Variants in FSHR observed in about 807,000 individuals in gnomAD.
FSHR encodes the protein follicle stimulating hormone receptor, also known as follicle-stimulating hormone receptor.
In FSHR, 46 loss-of-function variants were observed where a neutral mutation model predicts 52.1. The ratio of observed to expected loss-of-function variants is 0.88; its 90% CI spans 0.70 to 1.13. FSHR has a LOEUF of 1.13. FSHR is among the 50% of genes most tolerant of loss of function. The pLI is 0.00. For synonymous variants in FSHR, 399 were observed against 309.6 expected, an observed-to-expected ratio of 1.29 and a Z score of -3.03; for missense variants, 964 against 834.6, an observed-to-expected ratio of 1.16 and a Z score of -1.91.
chr2:49,052,114 TAAAC>T (rs1270034716), intron 2 of FSHR, among the ~76,000 whole-genome samples: 1 of 152,180 alleles, frequency 6.6e-6, no homozygotes, highest in African/African-American at 2.4e-5. Context: ...TAAAACATTT[TAAAC>T]AAAATATTAG....
intron 6 of FSHR, 107 bp from the exon 7 acceptor site, chr2:48,983,273 T>G: frequency 1.0e-6 from 1 of 988,084 alleles, no homozygotes; most frequent in Non-Finnish European, 1.6e-6. Flanking sequence ...GTTAGTGGCA[T>G]AAAGAAAATG....
chr2:49,109,233 G>A (rs1398820576), intron 1 of FSHR, among the ~76,000 whole-genome samples: 1 of 152,162 alleles, frequency 6.6e-6, no homozygotes, highest in Non-Finnish European at 1.5e-5. Context: ...ATGAGACTGG[G>A]AAGAGTGAGC....
At chr2:49,033,512 C>A (rs532085000) in intron 2 of FSHR, among the ~76,000 whole-genome samples, 1 of 152,044 alleles carries the variant, frequency 6.6e-6, no homozygotes, top group African/African-American at 2.4e-5. Context: ...AAGAGGCCAA[C>A]GCAGGAGGGC....
In FSHR at chr2:48,962,188, T is replaced by A. The variant is rs1559065598; in HGVS notation, c.*545A>T. Reference sequence around the variant, plus strand: ...ATGAGGAAGGGAAATCTGGGAAATGTATTTCAGCCTATCCACACTGACGCA... The same window carrying A: ...ATGAGGAAGGGAAATCTGGGAAATGAATTTCAGCCTATCCACACTGACGCA... On this transcript the variant is annotated 3_prime_UTR_variant, in exon 10 of 10. Transcript: ENST00000406846. 1 of 169,926 alleles carries A rather than the reference T, an allele frequency of 5.9e-6. No homozygotes were observed. Among genetic ancestry groups the A allele is most frequent in the South Asian group, 1.4e-4 (1 of 7,172 alleles). The allele number at this position is 169,926 out of a possible 1,614,324, so 10.5% of individuals were successfully genotyped here.
intron 4 of FSHR, among the ~76,000 whole-genome samples, chr2:49,015,643 C>T (rs1252268343): frequency 1.3e-5 from 2 of 152,084 alleles, no homozygotes; most frequent in Non-Finnish European, 2.9e-5. Flanking sequence ...CTGTTATGTG[C>T]CTAGGCATGT....
Position 48,990,647 on chromosome 2 carries a change from A to G in FSHR, c.375-10T>C. On this transcript the variant is annotated splice_polypyrimidine_tract_variant and intron_variant, in intron 4 of 9. Transcript: ENST00000406846. ...TGTGTTGGATATTAACCTAGAGAGA[A>G]ACAAAATGAGAGTGAGTGAAAATGA... 1.9e-6 allele frequency: 3 copies of G among 1,558,278 alleles called. No individual in the cohort carries two copies. The highest frequency in any genetic ancestry group is 2.7e-6 in the Non-Finnish European group (3 of 1,129,466).
At chr2:49,020,223 C>G in intron 2 of FSHR, 63 bp from the exon 3 acceptor site, 1 of 1,317,820 alleles carries the variant, frequency 7.6e-7, no homozygotes. Flanking sequence ...ATTTTTAGGG[C>G]TCAGCATAGA....
chr2:49,067,061 C>G lies in FSHR; in HGVS notation c.224+1158G>C, dbSNP rs529851831. Among the ~76,000 whole-genome samples, 12 of 152,198 alleles carry G rather than the reference C, an allele frequency of 7.9e-5. No homozygotes were observed. The Middle Eastern group carries it at 0.01, about 129-fold the overall frequency. The stretch of plus-strand genomic sequence containing the variant: ...GGAAGATTACAGGTCTTAAATCGGG[C>G]TCTCCTGCAACATGGAGATAGAAAT... On this transcript the variant is annotated intron_variant, in intron 2 of 9. Transcript: ENST00000406846.
chr2:49,121,305 A>G (rs1011576), intron 1 of FSHR, among the ~76,000 whole-genome samples: 1 of 152,058 alleles, frequency 6.6e-6, no homozygotes, highest in East Asian at 1.9e-4. Flanking sequence ...CCTGACCTTC[A>G]GTGTTCTCTT....
chr2:49,053,370 C>T (rs930552085), intron 2 of FSHR, among the ~76,000 whole-genome samples: 4 of 152,146 alleles, frequency 2.6e-5, no homozygotes, highest in African/African-American at 9.7e-5. Flanking sequence ...AAATTGAACT[C>T]ATTTCCATAC....
At chr2:49,041,434 T>A (rs956153913) in intron 2 of FSHR, among the ~76,000 whole-genome samples, 1 of 152,192 alleles carries the variant, frequency 6.6e-6, no homozygotes, top group South Asian at 2.1e-4. Context: ...AATCATGAAT[T>A]ATACTAGAAA....
intron 8 of FSHR, among the ~76,000 whole-genome samples, chr2:48,980,847 A>G (rs1160650395): frequency 2.0e-5 from 3 of 151,820 alleles, no homozygotes; most frequent in Admixed American, 6.6e-5. Flanking sequence ...GAGTTGGGGG[A>G]TCTCATCCAA....
intron 1 of FSHR, among the ~76,000 whole-genome samples, chr2:49,118,881 C>G (rs1671698801): frequency 6.6e-6 from 1 of 152,202 alleles, no homozygotes. Flanking sequence ...AGCCAAAAAC[C>G]TTTGCATGGG....
intron 1 of FSHR, among the ~76,000 whole-genome samples, chr2:49,130,111 T>G (rs1320845176): frequency 6.6e-6 from 1 of 152,200 alleles, no homozygotes; most frequent in African/African-American, 2.4e-5. Context: ...ATGTACCACT[T>G]AGGCAAGTTA....
intron 2 of FSHR, among the ~76,000 whole-genome samples, chr2:49,057,724 A>G (rs1392393454): frequency 6.6e-6 from 1 of 152,208 alleles, no homozygotes; most frequent in East Asian, 1.9e-4. Flanking sequence ...AGCAAAAAAA[A>G]GAAAACGTAG....
intron 2 of FSHR, among the ~76,000 whole-genome samples, chr2:49,064,379 G>A (rs957775495): frequency 2.0e-5 from 3 of 151,972 alleles, no homozygotes; most frequent in African/African-American, 7.3e-5. Flanking sequence ...GATTAGTGTT[G>A]CCATTAAAAA....
chr2:48,985,697 G>GTTTTTTTTTTTTTTTTTTTTTT lies in FSHR; in HGVS notation c.525-2553_525-2532dup, dbSNP rs70946839. Among the ~76,000 whole-genome samples, 24 of 99,576 alleles carry GTTTTTTTTTTTTTTTTTTTTTT rather than the reference G, an allele frequency of 2.4e-4. 11 individuals are homozygous for GTTTTTTTTTTTTTTTTTTTTTT. The highest frequency in any genetic ancestry group is 7.0e-3 in the Middle Eastern group (1 of 142). The allele number at this position is 99,576 out of a possible 152,430, so 65.3% of individuals were successfully genotyped here. A position where few individuals can be genotyped will look rare whatever the true frequency, so the allele number is the denominator to read the frequency against. ...TTCAGTTTCAGGGGAGCAAGTACAGGTTTTTTTTTTTTTTTTTTTTTTTTT... is the reference window on the plus strand; with the variant it reads ...TTCAGTTTCAGGGGAGCAAGTACAGGTTTTTTTTTTTTTTTTTTTTTTTTTTTTTTTTTTTTTTTTTTTTTTT... On this transcript the variant is annotated intron_variant, in intron 6 of 9. Transcript: ENST00000406846.
At chr2:49,099,117 C>A (rs559782568) in intron 1 of FSHR, among the ~76,000 whole-genome samples, 1 of 151,750 alleles carries the variant, frequency 6.6e-6, no homozygotes, top group Admixed American at 6.6e-5. Context: ...ATTTTTCCCC[C>A]AAAATATGTT....
intron 2 of FSHR, among the ~76,000 whole-genome samples, chr2:49,024,977 G>A (rs1215759975): frequency 6.6e-6 from 1 of 152,184 alleles, no homozygotes; most frequent in Admixed American, 6.5e-5. Flanking sequence ...AACTGCTGGA[G>A]GACAGTGACA....
Sources: gnomAD v4.1 joint callset for allele counts (sites outside exome capture counted in the v4.1 genomes callset) on GRCh38, gnomAD v4.1.1 for gene constraint, MANE v1.5 for transcripts, NCBI Gene and HGNC (gene_info 2026-07-23, HGNC 2026-07-21) for gene names.